Variants in LPP observed in about 807,000 individuals in gnomAD.
The protein encoded by LPP is LIM domain containing preferred translocation partner in lipoma.
In LPP, 38 loss-of-function variants were observed where a neutral mutation model predicts 60.4. The observed-to-expected ratio is 0.63, with a 90% CI of 0.49 to 0.83. LPP has a LOEUF of 0.83. Among genes scored for constraint, LPP ranks in the 40% least tolerant of loss-of-function variants. The probability of loss-of-function intolerance (pLI) is 0.00; values close to 1 mark genes in which losing one functional copy is unlikely to be tolerated. For synonymous variants in LPP, 328 were observed against 290.8 expected (o/e 1.13, Z -1.30); for missense variants, 902 against 783.6 (o/e 1.15, Z -1.80).
At chr3:188,256,853 A>G (rs745625103) in intron 2 of LPP, among the ~76,000 whole-genome samples, 3 of 152,220 alleles carry the variant, frequency 2.0e-5, no homozygotes, top group Admixed American at 6.5e-5. Context: ...ACATTTGTGC[A>G]GGGAGGTACA....
At chr3:188,312,303 C>T (rs1046774790) in intron 2 of LPP, among the ~76,000 whole-genome samples, 1 of 152,130 alleles carries the variant, frequency 6.6e-6, no homozygotes, top group Non-Finnish European at 1.5e-5. Context: ...TTTGTAATTC[C>T]GTTTTCTGAA....
rs1209262858 is a variant in LPP, at chr3:188,496,351, A to G, written c.306+11647A>G. Among the ~76,000 whole-genome samples the G allele has an allele frequency of 3.3e-5, 5 of 152,092 alleles. No individual in the cohort carries two copies. In the East Asian group the frequency reaches 7.7e-4, roughly 23 times the overall value. ...ACCATGTTGGCCAGGCTGGTCTCGA[A>G]CACCTGACCTCGTGATCTGCCCACC... On this transcript the variant is annotated intron_variant, in intron 5 of 11. Transcript: ENST00000617246.
At chr3:188,580,985 G>A (rs1418565420) in intron 6 of LPP, among the ~76,000 whole-genome samples, 1 of 152,006 alleles carries the variant, frequency 6.6e-6, no homozygotes, top group Non-Finnish European at 1.5e-5. Flanking sequence ...AGGTTATCTA[G>A]TGTACTCTTC....
At chr3:188,539,225 A>C (rs1355556253) in intron 6 of LPP, among the ~76,000 whole-genome samples, 1 of 152,212 alleles carries the variant, frequency 6.6e-6, no homozygotes, top group Admixed American at 6.5e-5. Context: ...CCTAGAATAC[A>C]CACATGGCAT....
rs1219759047 is a variant in LPP at position 188,380,486 on chromosome 3, CT to C, written c.-9-25624del. Among the ~76,000 whole-genome samples, 4 of 152,276 alleles carry C rather than the reference CT, an allele frequency of 2.6e-5. No individual in the cohort carries two copies. The East Asian group carries it at 7.7e-4, about 29-fold the overall frequency. On this transcript the variant is annotated intron_variant, in intron 3 of 11. Transcript: ENST00000617246. The stretch of plus-strand genomic sequence containing the variant: ...TGGACTCATGGCCTTGAGTATGTCC[CT>C]TATGTTCATTTGACAGATTCCTGCC...
In LPP at chr3:188,352,845, G is replaced by T. The variant is rs562179032; in HGVS notation, c.-10+11126G>T. Among the ~76,000 whole-genome samples, 1 of 152,174 alleles carries T rather than the reference G, an allele frequency of 6.6e-6. No homozygotes were observed. Among genetic ancestry groups the T allele is most frequent in the Non-Finnish European group, 1.5e-5 (1 of 68,030 alleles). ...AGTAACTCAGTGCAGAGGCAGCGAC[G>T]GGAAAGTGAAGGAGAGTAAGAAGCC... On this transcript the variant is annotated intron_variant, in intron 3 of 11. Coordinates refer to ENST00000617246, the MANE Select transcript of LPP (RefSeq NM_001375462.1). The surrounding 1 kb of genome is among the most constrained non-coding windows in gnomAD (Gnocchi z 4.4).
intron 10 of LPP, among the ~76,000 whole-genome samples, chr3:188,870,119 C>T (rs140798137): frequency 1.9e-4 from 29 of 152,056 alleles, no homozygotes; most frequent in Non-Finnish European, 3.7e-4. Flanking sequence ...CACAGTCTGA[C>T]TGGTATAGAA....
At chr3:188,562,001 G>T (rs967630413) in intron 6 of LPP, among the ~76,000 whole-genome samples, 2 of 151,850 alleles carry the variant, frequency 1.3e-5, no homozygotes, top group African/African-American at 4.8e-5. Context: ...GGGCAGTGTG[G>T]ACTGAATGTG....
chr3:188,692,174 T>G (rs756731333), intron 7 of LPP, among the ~76,000 whole-genome samples: 1 of 152,194 alleles, frequency 6.6e-6, no homozygotes, highest in Non-Finnish European at 1.5e-5. Context: ...CTCATTTTCT[T>G]CAGCCTCTAT....
chr3:188,393,030 T>C (rs1458719555), intron 3 of LPP, among the ~76,000 whole-genome samples: 1 of 25,248 alleles, frequency 4.0e-5, no homozygotes, highest in East Asian at 1.3e-3. Context: ...TTAGACACAT[T>C]TTTTTTTTTC....
intron 4 of LPP, among the ~76,000 whole-genome samples, chr3:188,477,027 T>G (rs761483073): frequency 4.6e-5 from 7 of 152,196 alleles, no homozygotes; most frequent in Non-Finnish European, 8.8e-5. Context: ...AATAGCTTCA[T>G]AAGTGCTTGC....
intron 11 of LPP, 82 bp from the exon 12 acceptor site, chr3:188,874,269 T>C (rs1768954201): frequency 7.1e-7 from 1 of 1,405,858 alleles, no homozygotes; most frequent in Non-Finnish European, 9.7e-7. Context: ...AGGCCTTGAA[T>C]AGAAAGCTCA....
At chr3:188,699,332 C>G (rs1021843169) in intron 7 of LPP, among the ~76,000 whole-genome samples, 1 of 152,162 alleles carries the variant, frequency 6.6e-6, no homozygotes, top group Non-Finnish European at 1.5e-5. Context: ...AGACCAGGGC[C>G]CCCTGACTGG....
chr3:188,238,820 G>A (rs2149424267), intron 2 of LPP, among the ~76,000 whole-genome samples: 1 of 152,330 alleles, frequency 6.6e-6, no homozygotes, highest in South Asian at 2.1e-4. Context: ...CATGAAATGA[G>A]CACATGCTGT....
chr3:188,280,254 G>A (rs1021040820), intron 2 of LPP, among the ~76,000 whole-genome samples: 3 of 152,198 alleles, frequency 2.0e-5, no homozygotes, highest in African/African-American at 7.2e-5. Context: ...AGAAAGCGGA[G>A]CTGCATGGCT....
chr3:188,521,474 T>C (rs1040538925), intron 5 of LPP, among the ~76,000 whole-genome samples: 1 of 152,174 alleles, frequency 6.6e-6, no homozygotes, highest in African/African-American at 2.4e-5. Flanking sequence ...GTTGATGTAC[T>C]TTCTGCTTCA....
rs888996197 is a variant in LPP, at chr3:188,881,892, A to T, written c.*7413A>T. ...TGCTGGTTGATTGATTTCGAGATTCATTCATTCTGTGCTCAAATATTTGTA... is the reference window on the plus strand; with the variant it reads ...TGCTGGTTGATTGATTTCGAGATTCTTTCATTCTGTGCTCAAATATTTGTA... On this transcript the variant is annotated 3_prime_UTR_variant, in exon 12 of 12. Coordinates refer to ENST00000617246, the MANE Select transcript of LPP (RefSeq NM_001375462.1). The T allele has an allele frequency of 4.6e-6, 1 of 216,658 alleles. No homozygotes were observed. The highest frequency in any genetic ancestry group is 1.8e-4 in the South Asian group (1 of 5,418). The allele number at this position is 216,658 out of a possible 1,614,324, so 13.4% of individuals were successfully genotyped here.
chr3:188,478,694 A>C (rs1803897294), intron 4 of LPP, among the ~76,000 whole-genome samples: 1 of 152,088 alleles, frequency 6.6e-6, no homozygotes, highest in Non-Finnish European at 1.5e-5. Context: ...AAAATTTCGT[A>C]CTATTTTCCT....
chr3:188,867,625 T>G (rs1180246967), intron 10 of LPP, among the ~76,000 whole-genome samples: 1 of 152,144 alleles, frequency 6.6e-6, no homozygotes, highest in Non-Finnish European at 1.5e-5. Context: ...ATTACAGGCA[T>G]GAACCACTGT....
Sources: allele counts gnomAD v4.1 joint callset (sites outside exome capture counted in the v4.1 genomes callset), GRCh38; gene constraint gnomAD v4.1.1; non-coding constraint Gnocchi (gnomAD v3.1); transcripts MANE v1.5; gene names NCBI Gene and HGNC (gene_info 2026-07-23, HGNC 2026-07-21).